The following SAMMSON variants were observed in gnomAD, a reference collection of about 807,000 sequenced individuals.
SAMMSON encodes the protein survival associated mitochondrial melanoma specific oncogenic non-coding RNA.
intron 7 of SAMMSON, among the ~76,000 whole-genome samples, chr3:70,320,606 C>T (rs78210032): frequency 9.9e-4 from 150 of 152,132 alleles, no homozygotes; most frequent in East Asian, 5.4e-3. Flanking sequence ...ACCTAAACAA[C>T]CTTATTTAGA....
intron 4 of SAMMSON, among the ~76,000 whole-genome samples, chr3:70,214,156 C>A (rs1193661220): frequency 1.3e-5 from 2 of 151,894 alleles, no homozygotes; most frequent in African/African-American, 2.4e-5. Flanking sequence ...TAAGACAAAA[C>A]CTTGGGTTCA....
intron 4 of SAMMSON, among the ~76,000 whole-genome samples, chr3:70,142,922 A>T (rs4974258): frequency 5.3e-5 from 8 of 152,026 alleles, no homozygotes; most frequent in African/African-American, 9.6e-5. Flanking sequence ...TTGAGTCCCT[A>T]TTTCACATGG....
chr3:70,348,439 G>A (rs1016368124), intron 7 of SAMMSON, among the ~76,000 whole-genome samples: 2 of 152,122 alleles, frequency 1.3e-5, no homozygotes, highest in African/African-American at 4.8e-5. Flanking sequence ...CTGCTCTCAG[G>A]TTTGCAGATG....
intron 4 of SAMMSON, among the ~76,000 whole-genome samples, chr3:70,119,762 A>G (rs928840911): frequency 6.6e-6 from 1 of 152,206 alleles, no homozygotes; most frequent in Non-Finnish European, 1.5e-5. Flanking sequence ...CTATGTATAT[A>G]TCTTTATTCT....
intron 4 of SAMMSON, among the ~76,000 whole-genome samples, chr3:70,174,720 C>T (rs535779376): frequency 2.0e-5 from 3 of 151,236 alleles, no homozygotes; most frequent in Non-Finnish European, 4.4e-5. Flanking sequence ...ACTTTCTATC[C>T]CTTCAATTAT....
In SAMMSON at chr3:70,105,827, GCT is replaced by G. The variant is rs1234188429; in HGVS notation, n.507+34265_507+34266del. Among the ~76,000 whole-genome samples, 5 of 152,280 alleles carry G rather than the reference GCT, an allele frequency of 3.3e-5. No individual in the cohort carries two copies. The East Asian group carries it at 9.7e-4, about 29-fold the overall frequency. ...GTCTCTCCTTAGAGGTGAGAGAGAA[GCT>G]CTGTTTCTCCTTGAACACTCGAATC... is the stretch of plus-strand genomic sequence containing the variant. On this transcript the variant is annotated intron_variant and non_coding_transcript_variant, in intron 4 of 9. Transcript: ENST00000642114.
intron 4 of SAMMSON, among the ~76,000 whole-genome samples, chr3:70,239,393 T>C (rs1343447987): frequency 6.6e-6 from 1 of 152,152 alleles, no homozygotes; most frequent in Non-Finnish European, 1.5e-5. Flanking sequence ...TTCTCCACCA[T>C]TCAGGATGTT....
intron 4 of SAMMSON, among the ~76,000 whole-genome samples, chr3:70,171,294 T>A (rs921281960): frequency 6.6e-6 from 1 of 151,848 alleles, no homozygotes; most frequent in African/African-American, 2.4e-5. Context: ...AACCTATGTT[T>A]TTCATAAGTA....
chr3:70,354,564 C>G (rs1231420277), intron 8 of SAMMSON, among the ~76,000 whole-genome samples: 1 of 152,186 alleles, frequency 6.6e-6, no homozygotes, highest in Non-Finnish European at 1.5e-5. Flanking sequence ...GGTGCTGAGG[C>G]TGCACCTTTC....
chr3:70,392,038 T>C (rs1049965326), downstream of SAMMSON, among the ~76,000 whole-genome samples: 4 of 152,128 alleles, frequency 2.6e-5, no homozygotes, highest in African/African-American at 9.7e-5. Context: ...CCTTCCTGTG[T>C]CCAACAATAG....
intron 4 of SAMMSON, among the ~76,000 whole-genome samples, chr3:70,202,252 T>C (rs1458195312): frequency 6.6e-6 from 1 of 152,148 alleles, no homozygotes; most frequent in Non-Finnish European, 1.5e-5. Context: ...ATGGCCTATT[T>C]GATAGTGGTC....
chr3:70,243,408 A>T, intron 4 of SAMMSON, among the ~76,000 whole-genome samples: 1 of 152,104 alleles, frequency 6.6e-6, no homozygotes. Flanking sequence ...GCCAGTGTGA[A>T]ATTCTGTGTG....
chr3:70,392,101 T>G (rs993246927), downstream of SAMMSON, among the ~76,000 whole-genome samples: 1 of 152,180 alleles, frequency 6.6e-6, no homozygotes, highest in Non-Finnish European at 1.5e-5. Flanking sequence ...TGATATAATT[T>G]TGTTCTTTGA....
intron 9 of SAMMSON, among the ~76,000 whole-genome samples, chr3:70,381,179 G>A (rs1703063261): frequency 1.3e-5 from 2 of 152,138 alleles, no homozygotes; most frequent in Non-Finnish European, 2.9e-5. Context: ...AAAAGATGTA[G>A]AAACCAATTC....
At chr3:70,237,192 T>C (rs1701618344) in intron 4 of SAMMSON, among the ~76,000 whole-genome samples, 1 of 152,236 alleles carries the variant, frequency 6.6e-6, no homozygotes, top group Non-Finnish European at 1.5e-5. Context: ...AATGGGAAGC[T>C]ATATTTTTCC....
chr3:70,146,685 A>T (rs1433739039), intron 4 of SAMMSON, among the ~76,000 whole-genome samples: 1 of 152,012 alleles, frequency 6.6e-6, no homozygotes, highest in Non-Finnish European at 1.5e-5. Flanking sequence ...TCTATTTTTT[A>T]AAAAACCTAC....
chr3:70,237,346 T>C (rs2106638908), intron 4 of SAMMSON, among the ~76,000 whole-genome samples: 1 of 152,302 alleles, frequency 6.6e-6, no homozygotes, highest in South Asian at 2.1e-4. Context: ...GCTATGTTTA[T>C]TTCCCATCCC....
chr3:70,146,157 T>G (rs556902034), intron 4 of SAMMSON, among the ~76,000 whole-genome samples: 10 of 152,194 alleles, frequency 6.6e-5, no homozygotes, highest in Admixed American at 3.9e-4. Context: ...TCAATAGTCT[T>G]CTACTATTAA....
chr3:70,276,420 A>G (rs1256202523), intron 6 of SAMMSON, among the ~76,000 whole-genome samples: 3 of 152,206 alleles, frequency 2.0e-5, no homozygotes, highest in South Asian at 2.1e-4. Context: ...TGTAACAAAT[A>G]CCCATAACAA....
Sources: allele counts gnomAD v4.1 joint callset (sites outside exome capture counted in the v4.1 genomes callset), GRCh38; gene constraint gnomAD v4.1.1; transcripts MANE v1.5; gene names NCBI Gene and HGNC (gene_info 2026-07-23, HGNC 2026-07-21).